Variants in SLC30A6 observed in about 807,000 individuals in gnomAD.
SLC30A6 encodes solute carrier family 30 member 6.
A neutral mutation model predicts 63.0 loss-of-function variants in SLC30A6; 55 were observed. The observed-to-expected ratio is 0.87, with a 90% CI of 0.70 to 1.09. SLC30A6 has a LOEUF of 1.09. Among genes scored for constraint, SLC30A6 ranks in the 50% least tolerant of loss-of-function variants. SLC30A6 has a pLI of 0.00. For missense variants in SLC30A6, 587 were observed against 549.2 expected (o/e 1.07, Z -0.69); for synonymous variants, 224 against 186.1 (o/e 1.20, Z -1.66).
At chr2:32,200,206 C>CT (rs1341702413) in intron 10 of SLC30A6, among the ~76,000 whole-genome samples, 3 of 151,994 alleles carry the variant, frequency 2.0e-5, no homozygotes, top group Non-Finnish European at 4.4e-5. Context: ...ATCATCATTT[C>CT]TTTGGCCTAA....
chr2:32,169,900 A>G (rs1573223641), intron 1 of SLC30A6, among the ~76,000 whole-genome samples: 1 of 152,232 alleles, frequency 6.6e-6, no homozygotes, highest in Non-Finnish European at 1.5e-5. Context: ...ATGAGCAGGT[A>G]CTGATTTGGC....
chr2:32,186,502 A>G (rs1014988370), intron 5 of SLC30A6, among the ~76,000 whole-genome samples: 1 of 152,130 alleles, frequency 6.6e-6, no homozygotes, highest in Non-Finnish European at 1.5e-5. Flanking sequence ...GCTGGCCAAC[A>G]TGGCAAAACC....
At position 32,175,383 on chromosome 2, in the gene SLC30A6, A is replaced by T. The variant is rs374722496; in HGVS notation, c.218+22A>T. ...TTAGGTAAGTTTTTAGGAAATCTTA[A>T]TGTTTTGGAGCTAATAAGGAACTTG... On this transcript the variant is annotated intron_variant, in intron 4 of 13. Coordinates refer to ENST00000282587, the MANE Select transcript of SLC30A6 (RefSeq NM_017964.5). 56 of 1,606,064 alleles carry T rather than the reference A, an allele frequency of 3.5e-5. 1 individual carries two copies. In the African/African-American group the frequency reaches 6.4e-4, roughly 18 times the overall value.
At position 32,222,500 on chromosome 2, in the gene SLC30A6, A is replaced by T. The variant is rs998946789; in HGVS notation, c.*1787A>T. 1 of 152,140 alleles carries T rather than the reference A, an allele frequency of 6.6e-6. No individual in the cohort carries two copies. The highest frequency in any genetic ancestry group is 1.5e-5 in the Non-Finnish European group (1 of 68,028). 9.4% of individuals were successfully genotyped at this position (152,140 alleles called of 1,614,324 possible). On this transcript the variant is annotated 3_prime_UTR_variant, in exon 14 of 14. Coordinates refer to ENST00000282587, the MANE Select transcript of SLC30A6 (RefSeq NM_017964.5). ...CACTGTGGATTAAAAACATCCAAGA[A>T]GCCATCTCTGTCAAGCAGAATTGTC...
At chr2:32,209,624 G>GA (rs1276003191) in intron 13 of SLC30A6, 63 bp downstream of exon 13, 10 of 1,372,054 alleles carry the variant, frequency 7.3e-6, no homozygotes, top group East Asian at 2.4e-5. Context: ...TTTTAAAACT[G>GA]AAAAAAAATA....
At chr2:32,214,866 G>A (rs975544544) in intron 13 of SLC30A6, among the ~76,000 whole-genome samples, 2 of 152,126 alleles carry the variant, frequency 1.3e-5, no homozygotes, top group African/African-American at 4.8e-5. Context: ...TAATACTTAG[G>A]TAGTGACAAC....
chr2:32,167,049 T>G (rs1271090006), intron 1 of SLC30A6, among the ~76,000 whole-genome samples: 3 of 152,186 alleles, frequency 2.0e-5, no homozygotes, highest in African/African-American at 7.2e-5. Context: ...CCACTCATTA[T>G]CAAGCTTCTT....
rs1685011890 is a variant in SLC30A6 at position 32,208,834 on chromosome 2, T to TA, written c.817-658dup. On this transcript the variant is annotated intron_variant, in intron 12 of 13. Coordinates refer to ENST00000282587, the MANE Select transcript of SLC30A6 (RefSeq NM_017964.5). ...CAGCCTAGACTTTCTTTTAAGTTGTTACAAATTTCCACCTACTAACTAATG... is the reference window on the plus strand; with the variant it reads ...CAGCCTAGACTTTCTTTTAAGTTGTTAACAAATTTCCACCTACTAACTAATG... 3.3e-5 allele frequency among the ~76,000 whole-genome samples: 5 copies of TA among 152,334 alleles called. No individual in the cohort carries two copies. The South Asian group carries it at 1.0e-3, about 32-fold the overall frequency.
At chr2:32,178,595 C>A (rs901172726) in intron 4 of SLC30A6, among the ~76,000 whole-genome samples, 2 of 152,154 alleles carry the variant, frequency 1.3e-5, no homozygotes, top group Non-Finnish European at 2.9e-5. Flanking sequence ...ATCGCTTGAA[C>A]CTGGTGGGAC....
intron 10 of SLC30A6, chr2:32,203,936 A>T (rs1172624520): frequency 1.5e-5 from 12 of 804,380 alleles, no homozygotes; most frequent in Non-Finnish European, 2.6e-5. Flanking sequence ...AGTTGACAAG[A>T]TGGTAGAAGA....
intron 10 of SLC30A6, among the ~76,000 whole-genome samples, 184 bp from the exon 11 acceptor site, chr2:32,204,406 A>G (rs770745534): frequency 6.6e-6 from 1 of 152,168 alleles, no homozygotes; most frequent in Non-Finnish European, 1.5e-5. Context: ...CTTTGAAAGG[A>G]AAGAATTCTA....
In SLC30A6 at chr2:32,204,809, T is replaced by C. The variant is rs921083203; in HGVS notation, c.768+117T>C. On this transcript the variant is annotated intron_variant, in intron 11 of 13. Transcript: ENST00000282587. ...AATTTTTATTTTTATTTTTTAATTT[T>C]AATTTTTTTTTTTTTTTTTTTAGAG... The C allele has an allele frequency of 4.6e-5, 17 of 367,718 alleles. 1 individual carries two copies. In the Admixed American group the frequency reaches 5.2e-4, roughly 11 times the overall value. 22.8% of individuals were successfully genotyped at this position (367,718 alleles called of 1,614,324 possible).
At chr2:32,208,065 C>T (rs1684936448) in intron 12 of SLC30A6, among the ~76,000 whole-genome samples, 1 of 151,758 alleles carries the variant, frequency 6.6e-6, no homozygotes, top group Non-Finnish European at 1.5e-5. Flanking sequence ...ATCTCTTGAC[C>T]TCGTGATCCA....
In SLC30A6 at chr2:32,171,307, A is replaced by G. The variant is rs980594409; in HGVS notation, c.24A>G (p.Arg8=). MGTIHLF[R]KPQRSFFGKL... Reference sequence around the variant, plus strand: ...GAAAGGGGACAATTCATCTCTTTCGAAAACCACAAAGATCCTTTTTTGGCA... The same window carrying G: ...GAAAGGGGACAATTCATCTCTTTCGGAAACCACAAAGATCCTTTTTTGGCA... The change falls in exon 2 of 14, where the codon CGA becomes CGG. Residue 8 remains arginine, a synonymous_variant. Coordinates refer to ENST00000282587, the MANE Select transcript of SLC30A6 (RefSeq NM_017964.5). The G allele has an allele frequency of 3.1e-6, 5 of 1,613,708 alleles. No individual in the cohort carries two copies. The African/African-American group carries it at 6.7e-5, about 22-fold the overall frequency.
intron 5 of SLC30A6, among the ~76,000 whole-genome samples, 185 bp downstream of exon 5, chr2:32,184,523 G>A (rs766458453): frequency 6.6e-6 from 1 of 152,196 alleles, no homozygotes; most frequent in Non-Finnish European, 1.5e-5. Flanking sequence ...CCAGCACTTT[G>A]GGAGGCTGAG....
intron 8 of SLC30A6, among the ~76,000 whole-genome samples, chr2:32,196,808 C>G (rs1227797122): frequency 6.6e-6 from 1 of 152,128 alleles, no homozygotes; most frequent in African/African-American, 2.4e-5. Flanking sequence ...CACCTGTAAT[C>G]CCAGCACTTT....
At chr2:32,202,504 T>C (rs1407123846) in intron 10 of SLC30A6, 8 of 279,544 alleles carry the variant, frequency 2.9e-5, no homozygotes, top group Admixed American at 1.9e-4. Flanking sequence ...TATTTTTTTT[T>C]GTATTTTTAG....
At chr2:32,168,587 G>C (rs1680894279) in intron 1 of SLC30A6, among the ~76,000 whole-genome samples, 1 of 152,042 alleles carries the variant, frequency 6.6e-6, no homozygotes, top group Non-Finnish European at 1.5e-5. Context: ...CTATAGTTTG[G>C]AATGATCTAG....
At chr2:32,187,148 C>G (rs922985807) in intron 5 of SLC30A6, 14 of 469,548 alleles carry the variant, frequency 3.0e-5, no homozygotes, top group Non-Finnish European at 5.7e-5. Flanking sequence ...TTTTTGCCTC[C>G]CAGGCCTGCT....
Sources: allele counts gnomAD v4.1 joint callset (sites outside exome capture counted in the v4.1 genomes callset), GRCh38; gene constraint gnomAD v4.1.1; transcripts MANE v1.5; gene names NCBI Gene and HGNC (gene_info 2026-07-23, HGNC 2026-07-21).